The following EFHC2 variants were observed in gnomAD, a reference collection of about 807,000 sequenced individuals.
EFHC2 encodes EF-hand domain-containing family member C2.
Under a neutral mutation model 52.7 loss-of-function variants are expected in EFHC2, and 18 were observed. The observed-to-expected ratio is 0.34, with a 90% confidence interval of 0.24 to 0.51. The LOEUF (loss-of-function observed/expected upper bound fraction) is 0.51, where lower values mean the gene tolerates loss of function less well. Among genes scored for constraint, EFHC2 ranks in the 20% least tolerant of loss-of-function variants. EFHC2 has a pLI of 0.97. For synonymous variants in EFHC2, 203 were observed against 204.1 expected, an observed-to-expected ratio of 0.99 and a Z score of 0.04; for missense variants, 513 against 562.5, an observed-to-expected ratio of 0.91 and a Z score of 0.89.
At chrX:44,150,681 G>A (rs1172497730) in intron 14 of EFHC2, among the ~76,000 whole-genome samples, 1 of 111,463 alleles carries the variant, frequency 9.0e-6, no homozygotes, top group African/African-American at 3.3e-5. Context: ...GGCTGAAGCG[G>A]GCATGGAGGA....
intron 10 of EFHC2, among the ~76,000 whole-genome samples, chrX:44,231,360 C>G (rs2037275183): frequency 1.8e-5 from 2 of 111,942 alleles, no homozygotes; most frequent in Non-Finnish European, 3.8e-5. Context: ...TGACAGGGGA[C>G]CTCTCTGATG....
intron 14 of EFHC2, among the ~76,000 whole-genome samples, chrX:44,152,723 A>G (rs1197518984): frequency 4.5e-5 from 3 of 66,889 alleles, no homozygotes; most frequent in African/African-American, 3.2e-4. Context: ...GTAGTAAACC[A>G]TTACACACAC....
At chrX:44,178,129 T>TCACTCACACACACA (rs1556000436) in intron 12 of EFHC2, among the ~76,000 whole-genome samples, 2 of 83,951 alleles carry the variant, frequency 2.4e-5, no homozygotes, top group African/African-American at 9.4e-5. Context: ...AGATGCCATA[T>TCACTCACACACACA]CACACACACA....
intron 8 of EFHC2, among the ~76,000 whole-genome samples, chrX:44,237,146 T>A (rs773863283): frequency 9.0e-6 from 1 of 110,945 alleles, no homozygotes; most frequent in Non-Finnish European, 1.9e-5. Context: ...TTGTTAAATA[T>A]ATAGAATCCA....
intron 13 of EFHC2, among the ~76,000 whole-genome samples, chrX:44,170,371 T>C (rs1471245461): frequency 9.0e-6 from 1 of 110,798 alleles, no homozygotes; most frequent in African/African-American, 3.3e-5. Flanking sequence ...TTAGATGAGG[T>C]TGTAAGGAGA....
At chrX:44,342,204 C>A (rs964577743) in intron 1 of EFHC2, among the ~76,000 whole-genome samples, 7 of 112,249 alleles carry the variant, frequency 6.2e-5, no homozygotes, top group African/African-American at 2.3e-4. Flanking sequence ...ACTGACCAGA[C>A]GTGTAGGGGT....
At chrX:44,342,827 G>C (rs2038159056) in intron 1 of EFHC2, among the ~76,000 whole-genome samples, 1 of 96,121 alleles carries the variant, frequency 1.0e-5, no homozygotes, top group African/African-American at 4.1e-5. Context: ...AGTGAGCCGA[G>C]ATCGGGTCAC....
chrX:44,230,652 C>A (rs1472307814), intron 10 of EFHC2, among the ~76,000 whole-genome samples: 1 of 111,110 alleles, frequency 9.0e-6, no homozygotes, highest in Non-Finnish European at 1.9e-5. Flanking sequence ...TAAAATAATG[C>A]AGTTTTGACT....
chrX:44,186,427 CAGA>C (rs1224018760), intron 11 of EFHC2, among the ~76,000 whole-genome samples: 1 of 111,828 alleles, frequency 8.9e-6, no homozygotes, highest in Non-Finnish European at 1.9e-5. Flanking sequence ...GCAAGGTAAG[CAGA>C]AGGAGTGAAT....
intron 1 of EFHC2, among the ~76,000 whole-genome samples, chrX:44,322,307 G>A (rs1293548279): frequency 8.9e-6 from 1 of 111,899 alleles, no homozygotes; most frequent in East Asian, 2.8e-4. Flanking sequence ...TGTACTTTCT[G>A]ACAGTAAGGA....
intron 11 of EFHC2, among the ~76,000 whole-genome samples, chrX:44,179,868 G>T (rs767102476): frequency 8.9e-6 from 1 of 112,218 alleles, no homozygotes; most frequent in East Asian, 2.8e-4. Flanking sequence ...GCCACAAACT[G>T]GTAGGGCCAC....
At chrX:44,330,279 A>G (rs752850474) in intron 1 of EFHC2, among the ~76,000 whole-genome samples, 18 of 109,741 alleles carry the variant, frequency 1.6e-4, no homozygotes, top group Admixed American at 6.9e-4. Context: ...ACAGGAGACA[A>G]TCTTCATGAT....
intron 2 of EFHC2, among the ~76,000 whole-genome samples, chrX:44,288,694 C>T (rs2037771140): frequency 8.9e-6 from 1 of 112,107 alleles, no homozygotes; most frequent in Non-Finnish European, 1.9e-5. Flanking sequence ...AAATACTCAA[C>T]TCAGACGGCA....
At chrX:44,224,351 T>G (rs1299744798) in intron 11 of EFHC2, among the ~76,000 whole-genome samples, 1 of 111,841 alleles carries the variant, frequency 8.9e-6, no homozygotes, top group Admixed American at 9.5e-5. Flanking sequence ...TCAAATGTAT[T>G]CATCACAACA....
At position 44,242,216 on chromosome X, in the gene EFHC2, G is replaced by A. The variant is rs892189257; in HGVS notation, c.1185C>T (p.Asn395=). Residue 395 remains asparagine, a synonymous_variant, in exon 8 of 15, where the codon AAC becomes AAT. Transcript: ENST00000420999. ...PKIERKFPPY[N]GFGSEEDSLR... ...GAGAATCCTCTTCAGAACCAAAACC[G>A]TTGTAAGGTGGAAATTTCCTTTCTA... is the stretch of plus-strand genomic sequence containing the variant. 8.3e-6 allele frequency: 10 copies of A among 1,208,001 alleles called. No individual in the cohort carries two copies. Among genetic ancestry groups the A allele is most frequent in the East Asian group, 3.0e-5 (1 of 33,766 alleles).
intron 8 of EFHC2, among the ~76,000 whole-genome samples, chrX:44,239,870 T>C (rs1447956644): frequency 9.0e-6 from 1 of 111,370 alleles, no homozygotes; most frequent in Non-Finnish European, 1.9e-5. Flanking sequence ...TGGTTCTCCC[T>C]CCTCAGACTA....
intron 1 of EFHC2, among the ~76,000 whole-genome samples, chrX:44,323,357 A>G (rs952437555): frequency 1.8e-5 from 2 of 112,314 alleles, no homozygotes; most frequent in African/African-American, 6.5e-5. Flanking sequence ...CACTGTAGCA[A>G]ACAGCCAACC....
At chrX:44,311,514 T>C (rs2037947522) in intron 2 of EFHC2, among the ~76,000 whole-genome samples, 1 of 112,331 alleles carries the variant, frequency 8.9e-6, no homozygotes, top group Non-Finnish European at 1.9e-5. Context: ...TAGTTCTTTC[T>C]GGAGAACAGA....
At chrX:44,170,015 G>C (rs990401656) in intron 13 of EFHC2, among the ~76,000 whole-genome samples, 2 of 111,672 alleles carry the variant, frequency 1.8e-5, no homozygotes, top group Non-Finnish European at 3.8e-5. Flanking sequence ...GGTCTGGGGG[G>C]TGGAGAAGAA....
Sources: gnomAD v4.1 joint callset for allele counts (sites outside exome capture counted in the v4.1 genomes callset) on GRCh38, gnomAD v4.1.1 for gene constraint, MANE v1.5 for transcripts, NCBI Gene and HGNC (gene_info 2026-07-23, HGNC 2026-07-21) for gene names.